The following IPO11 variants were observed in gnomAD, a reference collection of about 807,000 sequenced individuals.
IPO11 encodes importin-11.
In IPO11, 66 loss-of-function variants were observed where a neutral mutation model predicts 143.2. The observed-to-expected ratio is 0.46, with a 90% CI of 0.38 to 0.57. The LOEUF is 0.57. Ranked by LOEUF, IPO11 falls within the 20% of genes least tolerant of loss-of-function variation. IPO11 has a pLI of 0.00. For synonymous variants in IPO11, 385 were observed against 377.8 expected (o/e 1.02, Z -0.22); for missense variants, 1,026 against 1,141.0 (o/e 0.90, Z 1.45).
chr5:62,433,049 G>T (rs1028715799), intron 1 of IPO11, among the ~76,000 whole-genome samples: 2 of 151,890 alleles, frequency 1.3e-5, no homozygotes, highest in Admixed American at 1.3e-4. Context: ...TTTAGCATGG[G>T]TTATTTACCC....
At chr5:62,505,833 C>T (rs934027468) in intron 18 of IPO11, among the ~76,000 whole-genome samples, 8 of 151,888 alleles carry the variant, frequency 5.3e-5, no homozygotes, top group African/African-American at 1.7e-4. Flanking sequence ...CAATAATTAA[C>T]GTCTTTTTGC....
At chr5:62,515,522 GT>G (rs1170976964) in intron 20 of IPO11, 21 bp downstream of exon 20, 13 of 1,489,142 alleles carry the variant, frequency 8.7e-6, no homozygotes, top group African/African-American at 2.8e-5. Flanking sequence ...TCTCCACAGA[GT>G]TTTTTTAGTT....
intron 29 of IPO11, 52 bp downstream of exon 29, chr5:62,601,900 C>A (rs771726161): frequency 1.8e-6 from 2 of 1,133,404 alleles, no homozygotes; most frequent in African/African-American, 3.2e-5. Flanking sequence ...TTATCATTTT[C>A]TGTAGGTTCA....
chr5:62,588,675 G>A (rs917408338), intron 27 of IPO11, among the ~76,000 whole-genome samples: 22 of 152,088 alleles, frequency 1.4e-4, no homozygotes, highest in African/African-American at 4.8e-4. Flanking sequence ...TTTAAACCCC[G>A]CATCCTCAAA....
intron 1 of IPO11, among the ~76,000 whole-genome samples, chr5:62,436,436 T>C (rs999023343): frequency 5.3e-5 from 8 of 152,224 alleles, no homozygotes; most frequent in African/African-American, 1.9e-4. Flanking sequence ...CTTCGACTTA[T>C]TTTCTGTCAA....
chr5:62,577,422 G>T (rs768651339), intron 27 of IPO11, among the ~76,000 whole-genome samples: 4 of 151,976 alleles, frequency 2.6e-5, no homozygotes, highest in East Asian at 1.9e-4. Context: ...ATATTACTTT[G>T]TGGGTTTTTT....
At chr5:62,443,291 C>CA in intron 3 of IPO11, 4 of 427,230 alleles carry the variant, frequency 9.4e-6, no homozygotes, top group Non-Finnish European at 8.2e-6. Context: ...AAAAAAAATG[C>CA]AAAAAAAGTG....
intron 21 of IPO11, among the ~76,000 whole-genome samples, chr5:62,527,382 A>G (rs1024846839): frequency 6.6e-6 from 1 of 152,200 alleles, no homozygotes; most frequent in Non-Finnish European, 1.5e-5. Flanking sequence ...AGTCATAGAC[A>G]ATATGTAAGT....
chr5:62,475,385 T>C (rs1456563849), intron 8 of IPO11, among the ~76,000 whole-genome samples: 1 of 152,128 alleles, frequency 6.6e-6, no homozygotes, highest in Non-Finnish European at 1.5e-5. Flanking sequence ...TAGCCAGGCA[T>C]GATGGTGTGT....
chr5:62,606,124 A>G (rs1015284563), intron 29 of IPO11, among the ~76,000 whole-genome samples: 10 of 152,074 alleles, frequency 6.6e-5, no homozygotes, highest in African/African-American at 1.2e-4. Flanking sequence ...AAATATGTGT[A>G]TATTGCAGAA....
chr5:62,479,124 C>G (rs988203032), intron 9 of IPO11, among the ~76,000 whole-genome samples: 1 of 152,234 alleles, frequency 6.6e-6, no homozygotes. Flanking sequence ...GTGTGATGTT[C>G]CCCACCATGT....
In IPO11 at chr5:62,449,914, T is replaced by G; in HGVS notation, c.240-13T>G. ...CATTCTTTTGCATAATCAATACTTT[T>G]TTTTTTTTACAGTGCTCTCTCAGAG... On this transcript the variant is annotated splice_polypyrimidine_tract_variant and intron_variant, in intron 3 of 29. Coordinates refer to ENST00000325324, the MANE Select transcript of IPO11 (RefSeq NM_016338.5). 1 of 1,545,128 alleles carries G rather than the reference T, an allele frequency of 6.5e-7. No individual in the cohort carries two copies. The highest frequency in any genetic ancestry group is 8.7e-7 in the Non-Finnish European group (1 of 1,146,110).
chr5:62,559,523 A>T (rs1283522284), intron 26 of IPO11, among the ~76,000 whole-genome samples: 1 of 152,116 alleles, frequency 6.6e-6, no homozygotes, highest in Non-Finnish European at 1.5e-5. Flanking sequence ...TTATTTTAGC[A>T]GTGTTCACAG....
At chr5:62,503,832 GCTTA>G (rs1741445556) in intron 16 of IPO11, among the ~76,000 whole-genome samples, 1 of 152,076 alleles carries the variant, frequency 6.6e-6, no homozygotes, top group African/African-American at 2.4e-5. Flanking sequence ...TGTTTTAAAC[GCTTA>G]CTTTTTGAAA....
At chr5:62,483,433 T>A in intron 10 of IPO11, 140 bp downstream of exon 10, 1 of 597,788 alleles carries the variant, frequency 1.7e-6, no homozygotes, top group South Asian at 2.5e-5. Flanking sequence ...ATATAAGGAT[T>A]ATAGGCTTTA....
rs147175760 is a variant in IPO11 at position 62,488,179 on chromosome 5, G to A, written c.1309+318G>A. The stretch of plus-strand genomic sequence containing the variant: ...GTGAGAAAAGGTTAAAATAGTGTTA[G>A]CCTCTCTTAGAATGGTGGCAGTGGG... On this transcript the variant is annotated intron_variant, in intron 13 of 29. Coordinates refer to ENST00000325324, the MANE Select transcript of IPO11 (RefSeq NM_016338.5). Among the ~76,000 whole-genome samples, 720 of 152,308 alleles carry A rather than the reference G, an allele frequency of 4.7e-3. 3 individuals are homozygous for A. Among genetic ancestry groups the A allele is most frequent in the Non-Finnish European group, 7.7e-3 (525 of 68,020 alleles).
At chr5:62,604,531 TG>T (rs1429153016) in intron 29 of IPO11, among the ~76,000 whole-genome samples, 1 of 152,040 alleles carries the variant, frequency 6.6e-6, no homozygotes, top group African/African-American at 2.4e-5. Flanking sequence ...CTTAAATACG[TG>T]GAAAGTATTT....
intron 28 of IPO11, among the ~76,000 whole-genome samples, chr5:62,597,674 A>G (rs1450719996): frequency 6.6e-6 from 1 of 152,218 alleles, no homozygotes; most frequent in Non-Finnish European, 1.5e-5. Flanking sequence ...TGAACTTAAA[A>G]TGTGTGAGGA....
At chr5:62,542,363 G>T (rs1273231906) in intron 24 of IPO11, among the ~76,000 whole-genome samples, 1 of 151,962 alleles carries the variant, frequency 6.6e-6, no homozygotes, top group East Asian at 1.9e-4. Flanking sequence ...AATATTTTAG[G>T]ACAATAGTGC....
Sources: gnomAD v4.1 joint callset for allele counts (sites outside exome capture counted in the v4.1 genomes callset) on GRCh38, gnomAD v4.1.1 for gene constraint, MANE v1.5 for transcripts, NCBI Gene and HGNC (gene_info 2026-07-23, HGNC 2026-07-21) for gene names.